Variants in NALF1 observed in about 807,000 individuals in gnomAD.
NALF1 encodes the protein family with sequence similarity 155 member A.
In NALF1, 3 loss-of-function variants were observed where a neutral mutation model predicts 48.4. That is an observed-to-expected ratio of 0.06 (90% CI 0.03 to 0.16). NALF1 has a LOEUF of 0.16. Among genes scored for constraint, NALF1 ranks in the 10% least tolerant of loss-of-function variants. The probability of loss-of-function intolerance (pLI) is 1.00; values close to 1 mark genes in which losing one functional copy is unlikely to be tolerated. For missense variants in NALF1, 526 were observed against 571.5 expected (o/e 0.92, Z 0.81); for synonymous variants, 262 against 245.7 (o/e 1.07, Z -0.62).
intron 1 of NALF1, among the ~76,000 whole-genome samples, chr13:107,403,738 C>A (rs577914237): frequency 6.6e-6 from 1 of 151,648 alleles, no homozygotes; most frequent in Admixed American, 6.6e-5. Flanking sequence ...AAAAACTCAC[C>A]TTTTTTAGAA....
intron 1 of NALF1, among the ~76,000 whole-genome samples, chr13:107,607,441 A>C (rs918139911): frequency 1.3e-5 from 2 of 152,230 alleles, no homozygotes; most frequent in African/African-American, 4.8e-5. Context: ...AGGCAAAATA[A>C]GAGATATTTT....
At chr13:107,480,387 G>A (rs1009230917) in intron 1 of NALF1, among the ~76,000 whole-genome samples, 1 of 152,154 alleles carries the variant, frequency 6.6e-6, no homozygotes, top group Non-Finnish European at 1.5e-5. Context: ...CATTATCTGA[G>A]TAATTCTAGC....
At chr13:107,332,062 C>A (rs549734298) in intron 1 of NALF1, among the ~76,000 whole-genome samples, 1 of 152,214 alleles carries the variant, frequency 6.6e-6, no homozygotes, top group Admixed American at 6.5e-5. Flanking sequence ...AAGAACAATT[C>A]CTGGATATGG....
At chr13:107,565,038 G>C (rs1877755160) in intron 1 of NALF1, among the ~76,000 whole-genome samples, 1 of 44,764 alleles carries the variant, frequency 2.2e-5, no homozygotes, top group African/African-American at 8.2e-5. Flanking sequence ...TAAACACAAA[G>C]AAGTAGGAAA....
intron 1 of NALF1, among the ~76,000 whole-genome samples, chr13:107,510,153 T>C (rs1343525420): frequency 6.6e-6 from 1 of 152,174 alleles, no homozygotes; most frequent in East Asian, 1.9e-4. Context: ...CATATCCCGG[T>C]AGAACACCTA....
intron 1 of NALF1, among the ~76,000 whole-genome samples, chr13:107,741,541 A>T (rs1876633624): frequency 6.6e-6 from 1 of 152,194 alleles, no homozygotes; most frequent in Admixed American, 6.5e-5. Flanking sequence ...TGAGAAAATG[A>T]TGGTACTATA....
At chr13:107,747,848 C>T (rs1015828761) in intron 1 of NALF1, among the ~76,000 whole-genome samples, 5 of 152,088 alleles carry the variant, frequency 3.3e-5, no homozygotes, top group Non-Finnish European at 5.9e-5. Context: ...CACATGCACA[C>T]GCACAACTTA....
chr13:107,676,439 G>A (rs1881125091), intron 1 of NALF1, among the ~76,000 whole-genome samples: 1 of 152,122 alleles, frequency 6.6e-6, no homozygotes. Context: ...ATAAAAATAT[G>A]TGGCATATTT....
At chr13:107,317,886 TAAAGA>T (rs1882180375) in intron 1 of NALF1, among the ~76,000 whole-genome samples, 1 of 151,890 alleles carries the variant, frequency 6.6e-6, no homozygotes, top group South Asian at 2.1e-4. Flanking sequence ...TCAAGGTAAT[TAAAGA>T]AAAGAAGCAA....
At chr13:107,282,066 A>G (rs1200876788) in intron 1 of NALF1, among the ~76,000 whole-genome samples, 2 of 152,204 alleles carry the variant, frequency 1.3e-5, no homozygotes, top group Non-Finnish European at 2.9e-5. Flanking sequence ...GGTGTTGACC[A>G]CTGAGCTGGT....
At chr13:107,724,112 T>G (rs1481742667) in intron 1 of NALF1, among the ~76,000 whole-genome samples, 1 of 152,138 alleles carries the variant, frequency 6.6e-6, no homozygotes, top group African/African-American at 2.4e-5. Flanking sequence ...AAGATGAAAA[T>G]AGGAAGCTTG....
chr13:107,222,542 T>C (rs1235212016), intron 1 of NALF1, among the ~76,000 whole-genome samples: 1 of 152,234 alleles, frequency 6.6e-6, no homozygotes, highest in Admixed American at 6.5e-5. Context: ...ACAGATTATC[T>C]TGTGCATGTC....
chr13:107,620,074 C>T (rs964984264), intron 1 of NALF1, among the ~76,000 whole-genome samples: 3 of 152,042 alleles, frequency 2.0e-5, no homozygotes, highest in Admixed American at 6.6e-5. Context: ...TTTTATCAGG[C>T]CTTTTAAACT....
rs1283800760 is a variant in NALF1 at position 107,726,115 on chromosome 13, T to A, written c.915+139567A>T. 2.0e-5 allele frequency among the ~76,000 whole-genome samples: 3 copies of A among 152,194 alleles called. No individual in the cohort carries two copies. In the East Asian group the frequency reaches 5.8e-4, roughly 29 times the overall value. On this transcript the variant is annotated intron_variant, in intron 1 of 2. Coordinates refer to ENST00000375915, the MANE Select transcript of NALF1 (RefSeq NM_001080396.3). ...CTGTCATCTAGGGCTTACTGCCAGT[T>A]ATTCAGTCTTAGTGATAATTAATAC...
intron 1 of NALF1, among the ~76,000 whole-genome samples, chr13:107,478,279 A>G (rs1566358846): frequency 6.6e-6 from 1 of 152,196 alleles, no homozygotes; most frequent in Non-Finnish European, 1.5e-5. Flanking sequence ...AACTCAAAAT[A>G]CTTGTTGAAA....
intron 1 of NALF1, among the ~76,000 whole-genome samples, chr13:107,503,940 A>C (rs1425287793): frequency 1.3e-5 from 2 of 151,124 alleles, no homozygotes; most frequent in East Asian, 3.9e-4. Flanking sequence ...TTTTTTTTTA[A>C]AGAGCTCAAA....
intron 1 of NALF1, among the ~76,000 whole-genome samples, chr13:107,851,406 G>A (rs1486861985): frequency 6.6e-6 from 1 of 151,552 alleles, no homozygotes. Context: ...GCTATGGAGT[G>A]ATCACATCAC....
intron 2 of NALF1, among the ~76,000 whole-genome samples, chr13:107,196,305 A>G (rs1436066720): frequency 6.6e-6 from 1 of 152,206 alleles, no homozygotes; most frequent in African/African-American, 2.4e-5. Context: ...TTAAAATAAA[A>G]GTTTACAAAA....
At chr13:107,490,387 A>C (rs879623912) in intron 1 of NALF1, among the ~76,000 whole-genome samples, 1 of 152,218 alleles carries the variant, frequency 6.6e-6, no homozygotes, top group African/African-American at 2.4e-5. Flanking sequence ...CAGTCATAAA[A>C]AAGAACAAGA....
Sources: gnomAD v4.1 joint callset for allele counts (sites outside exome capture counted in the v4.1 genomes callset) on GRCh38, gnomAD v4.1.1 for gene constraint, MANE v1.5 for transcripts, NCBI Gene and HGNC (gene_info 2026-07-23, HGNC 2026-07-21) for gene names.